SMAD3: variants seen among roughly 807,000 people sequenced by gnomAD.
SMAD3 encodes MAD homolog 3.
In SMAD3, 12 loss-of-function variants were observed where a neutral mutation model predicts 51.8. That is an observed-to-expected ratio of 0.23 (90% confidence interval 0.15 to 0.38). The LOEUF (loss-of-function observed/expected upper bound fraction) is 0.38. Among genes scored for constraint, SMAD3 ranks in the 10% least tolerant of loss-of-function variants. The pLI is 1.00. For missense variants in SMAD3, 294 were observed against 565.6 expected (o/e 0.52, Z 4.87); for synonymous variants, 238 against 227.7 (o/e 1.05, Z -0.41).
At position 67,139,202 on chromosome 15, in the gene SMAD3, G is replaced by A. The variant is rs543163935; in HGVS notation, c.207-25693G>A. On this transcript the variant is annotated intron_variant, in intron 1 of 8. Coordinates refer to ENST00000327367, the MANE Select transcript of SMAD3 (RefSeq NM_005902.4). ...GGGGGCTAGAGGGATTTAAGTTTAC[G>A]TGGATCTTGAGGATTTTAAGAACCA... Among the ~76,000 whole-genome samples, 53 of 152,288 alleles carry A rather than the reference G, an allele frequency of 3.5e-4. 1 individual carries two copies. The highest frequency in any genetic ancestry group is 1.1e-3 in the African/African-American group (47 of 41,556).
At chr15:67,127,818 G>A (rs1961428477) in intron 1 of SMAD3, among the ~76,000 whole-genome samples, 1 of 152,164 alleles carries the variant, frequency 6.6e-6, no homozygotes, top group Non-Finnish European at 1.5e-5. Flanking sequence ...TCATGTCCAA[G>A]GCTAGAGTGG....
At chr15:67,157,781 A>G (rs993023049) in intron 1 of SMAD3, among the ~76,000 whole-genome samples, 2 of 152,182 alleles carry the variant, frequency 1.3e-5, no homozygotes, top group African/African-American at 4.8e-5. Context: ...CCATGGCCAC[A>G]TCCTTGGCTG....
intron 1 of SMAD3, among the ~76,000 whole-genome samples, chr15:67,158,490 T>G (rs1385735737): frequency 6.6e-6 from 1 of 152,252 alleles, no homozygotes; most frequent in Non-Finnish European, 1.5e-5. Context: ...TAGAAAATAC[T>G]GCCAAGCCAG....
rs761037294 is a variant in SMAD3 at position 67,079,282 on chromosome 15, G to A, written c.206+12922G>A. 5.3e-5 allele frequency among the ~76,000 whole-genome samples: 8 copies of A among 152,006 alleles called. No homozygotes were observed. The South Asian group carries it at 8.3e-4, about 16-fold the overall frequency. On this transcript the variant is annotated intron_variant, in intron 1 of 8. Transcript: ENST00000327367. ...TGTAAGCCACCGCACCTCGCCCCCCGCATATTATTTCTTTATGGTGTAGAA... is the reference window on the plus strand; with the variant it reads ...TGTAAGCCACCGCACCTCGCCCCCCACATATTATTTCTTTATGGTGTAGAA...
At chr15:67,172,547 T>C (rs952375018) in intron 5 of SMAD3, among the ~76,000 whole-genome samples, 7 of 152,254 alleles carry the variant, frequency 4.6e-5, no homozygotes, top group Non-Finnish European at 1.0e-4. Context: ...ATGGTGATGA[T>C]GATGGGAAAC....
chr15:67,126,090 C>T (rs1045933715), intron 1 of SMAD3: 48 of 506,630 alleles, frequency 9.5e-5, no homozygotes, highest in African/African-American at 1.5e-4. Flanking sequence ...TAGGGAATTG[C>T]GTAGTTTTTT....
chr15:67,181,944 G>A (rs566043940), intron 6 of SMAD3, among the ~76,000 whole-genome samples: 6 of 151,932 alleles, frequency 3.9e-5, no homozygotes, highest in Non-Finnish European at 5.9e-5. Context: ...CAACCACCAC[G>A]CCCAGCTAAT....
rs1231386919 is a variant in SMAD3 at position 67,066,227 on chromosome 15, G to C, written c.73G>C (p.Gly25Arg). Reference sequence around the variant, plus strand: ...GGGCTGGAAGAAGGGCGAGCAGAACGGGCAGGAGGAGAAATGGTGCGAGAA... The same window carrying C: ...GGGCTGGAAGAAGGGCGAGCAGAACCGGCAGGAGGAGAAATGGTGCGAGAA... Reference protein sequence around the residue: ...LLGWKKGEQNGQEEKWCEKAV... With the variant: ...LLGWKKGEQNRQEEKWCEKAV... Residue 25 changes from glycine to arginine, a missense_variant, in exon 1 of 9, where the codon GGG becomes CGG. By Grantham distance (125) the Gly-to-Arg change is moderately radical. This residue lies in a region of SMAD3 where 147 missense variants were observed against 260.9 expected (regional missense o/e 0.56). Transcript: ENST00000327367. 2 of 1,613,516 alleles carry C rather than the reference G, an allele frequency of 1.2e-6. No homozygotes were observed. Among genetic ancestry groups the C allele is most frequent in the South Asian group, 1.1e-5 (1 of 91,026 alleles).
At chr15:67,098,282 C>T (rs1048340130) in intron 1 of SMAD3, among the ~76,000 whole-genome samples, 4 of 151,230 alleles carry the variant, frequency 2.6e-5, no homozygotes, top group Non-Finnish European at 5.9e-5. Context: ...CCTAAACTGC[C>T]CCCCCACCCC....
chr15:67,166,299 C>A, intron 3 of SMAD3: 1 of 407,368 alleles, frequency 2.5e-6, no homozygotes, highest in Non-Finnish European at 3.6e-6. Flanking sequence ...CGTCATTGAA[C>A]TTGCAACCTA....
chr15:67,120,854 AT>A (rs368849389), intron 1 of SMAD3, among the ~76,000 whole-genome samples: 3 of 150,146 alleles, frequency 2.0e-5, no homozygotes, highest in Admixed American at 6.7e-5. Context: ...ACATTGTAAG[AT>A]TTTTTTTTTG....
intron 1 of SMAD3, among the ~76,000 whole-genome samples, chr15:67,102,938 A>G (rs936576078): frequency 2.0e-5 from 3 of 152,174 alleles, no homozygotes; most frequent in Admixed American, 6.5e-5. Flanking sequence ...ATGCTCTCCT[A>G]GACTCCTCTG....
Position 67,065,882 on chromosome 15 carries a change from C to T in SMAD3, c.-273C>T, listed in dbSNP as rs2140188224. On this transcript the variant is annotated 5_prime_UTR_variant, in exon 1 of 9. Coordinates refer to ENST00000327367, the MANE Select transcript of SMAD3 (RefSeq NM_005902.4). ...GCGGCCGCCGCCTCCGCCCCGCGTT[C>T]GGGGCCTTCCCGACCCTGCACTGCT... 4.6e-6 allele frequency: 1 copy of T among 216,400 alleles called. No individual in the cohort carries two copies. The highest frequency in any genetic ancestry group is 9.3e-6 in the Non-Finnish European group (1 of 107,658). The allele number at this position is 216,400 out of a possible 1,614,324, so 13.4% of individuals were successfully genotyped here. A position where few individuals can be genotyped will look rare whatever the true frequency, so the allele number is the denominator to read the frequency against.
chr15:67,126,366 TC>T (rs1222656008), intron 1 of SMAD3, among the ~76,000 whole-genome samples: 9 of 152,140 alleles, frequency 5.9e-5, no homozygotes, highest in Non-Finnish European at 4.4e-5. Flanking sequence ...GTCCGGGACC[TC>T]CTGCTGCCAG....
chr15:67,187,673 G>C (rs1294738992), intron 8 of SMAD3, among the ~76,000 whole-genome samples, 164 bp downstream of exon 8: 2 of 152,244 alleles, frequency 1.3e-5, no homozygotes, highest in African/African-American at 4.8e-5. Context: ...GAGGGGCCGG[G>C]CCAACAGCAG....
chr15:67,146,288 C>T (rs1274113796), intron 1 of SMAD3: 1 of 152,232 alleles, frequency 6.6e-6, no homozygotes, highest in Non-Finnish European at 1.5e-5. Context: ...ATACCAAGTG[C>T]CTTGCACATA....
intron 1 of SMAD3, among the ~76,000 whole-genome samples, chr15:67,084,621 T>C (rs1295242370): frequency 6.6e-6 from 1 of 152,194 alleles, no homozygotes; most frequent in East Asian, 1.9e-4. Flanking sequence ...GTCCAGGAGC[T>C]GCAATGCGTT....
At chr15:67,174,489 TGCA>T (rs1466592448) in intron 5 of SMAD3, 1 of 152,380 alleles carries the variant, frequency 6.6e-6, no homozygotes, top group Admixed American at 6.6e-5. Flanking sequence ...AAGCGGGCCC[TGCA>T]GAGATGCAAA....
At chr15:67,066,575 AGGCTTCCACGCGGCACTCT>A (rs1959924477) in intron 1 of SMAD3, among the ~76,000 whole-genome samples, 1 of 152,170 alleles carries the variant, frequency 6.6e-6, no homozygotes, top group African/African-American at 2.4e-5. Flanking sequence ...TCAGAGCCCG[AGGCTTCCACGCGGCACTCT>A]GGCTTCCACA....
Sources: gnomAD v4.1 joint callset for allele counts (sites outside exome capture counted in the v4.1 genomes callset) on GRCh38, gnomAD v4.1.1 for gene constraint, gnomAD v4.1.1 regional missense constraint, MANE v1.5 for transcripts, NCBI Gene and HGNC (gene_info 2026-07-23, HGNC 2026-07-21) for gene names.